Variants in PRUNE2 observed in about 807,000 individuals in gnomAD.
The protein encoded by PRUNE2 is prune homolog 2 with BCH domain.
PRUNE2 carries 164 observed loss-of-function variants against 252.0 expected under a neutral mutation model. That is an observed-to-expected ratio of 0.65 (90% CI 0.57 to 0.74). The LOEUF is 0.74. Among genes scored for constraint, PRUNE2 ranks in the 30% least tolerant of loss-of-function variants. The probability of loss-of-function intolerance (pLI) is 0.00; values close to 1 mark genes in which losing one functional copy is unlikely to be tolerated. For missense variants in PRUNE2, 3,495 were observed against 3,711.0 expected, an observed-to-expected ratio of 0.94 and a Z score of 1.51; for synonymous variants, 1,292 against 1,350.2, an observed-to-expected ratio of 0.96 and a Z score of 0.94.
intron 11 of PRUNE2, among the ~76,000 whole-genome samples, chr9:76,650,875 C>G (rs1409689106): frequency 3.3e-5 from 5 of 152,142 alleles, no homozygotes; most frequent in Non-Finnish European, 7.3e-5. Flanking sequence ...TGACAAAGCT[C>G]TCCTGACAAA....
chr9:76,893,026 T>C (rs1041793197), intron 1 of PRUNE2, among the ~76,000 whole-genome samples: 4 of 152,110 alleles, frequency 2.6e-5, no homozygotes, highest in South Asian at 2.1e-4. Flanking sequence ...ACAAAGAACA[T>C]GACAAAAGTT....
chr9:76,832,396 C>T (rs546115468), intron 4 of PRUNE2, among the ~76,000 whole-genome samples: 1 of 152,086 alleles, frequency 6.6e-6, no homozygotes, highest in African/African-American at 2.4e-5. Flanking sequence ...CAAAAGGTGG[C>T]CACTATAGAG....
At chr9:76,769,511 C>T (rs775926033) in intron 6 of PRUNE2, among the ~76,000 whole-genome samples, 18 of 152,280 alleles carry the variant, frequency 1.2e-4, no homozygotes, top group Non-Finnish European at 2.1e-4. Flanking sequence ...TCGCAACCTC[C>T]GCCCCCCGGG....
At position 76,846,599 on chromosome 9, in the gene PRUNE2, C is replaced by T. The variant is rs751491097; in HGVS notation, c.424G>A (p.Glu142Lys). Residue 142 changes from glutamate to lysine, a missense_variant, in exon 4 of 19, where the codon GAG (glutamate) becomes AAG (lysine). Transcript: ENST00000376718. Reference protein sequence around the residue: ...EQSDANVEFRESSSSLVLKEI... With the variant: ...EQSDANVEFRKSSSSLVLKEI... ...TTTAGCACGAGAGAAGAGGAAGACT[C>T]TCGGAACTCAACGTTGGCATCGCTC... 16 of 1,614,110 alleles carry T rather than the reference C, an allele frequency of 9.9e-6. No homozygotes were observed. The highest frequency in any genetic ancestry group is 1.4e-5 in the Non-Finnish European group (16 of 1,179,958).
intron 1 of PRUNE2, among the ~76,000 whole-genome samples, chr9:76,884,198 G>A (rs925683600): frequency 2.6e-5 from 4 of 152,126 alleles, no homozygotes; most frequent in Non-Finnish European, 4.4e-5. Flanking sequence ...AGGAAGTGGT[G>A]ATTAACTGTT....
intron 9 of PRUNE2, among the ~76,000 whole-genome samples, chr9:76,677,800 G>A (rs1236876085): frequency 2.6e-5 from 4 of 152,002 alleles, no homozygotes; most frequent in Admixed American, 1.3e-4. Context: ...TGCAAGATCC[G>A]GGCAAATTCC....
intron 1 of PRUNE2, among the ~76,000 whole-genome samples, chr9:76,860,660 G>A (rs969379179): frequency 2.6e-5 from 4 of 151,996 alleles, no homozygotes; most frequent in African/African-American, 7.3e-5. Flanking sequence ...TAATTGAAAC[G>A]AATTTTGTTT....
At chr9:76,772,616 C>T (rs561275282) in intron 6 of PRUNE2, among the ~76,000 whole-genome samples, 14 of 152,148 alleles carry the variant, frequency 9.2e-5, no homozygotes, top group East Asian at 7.7e-4. Flanking sequence ...CAGGCTGGAA[C>T]GTAGTGGTGC....
intron 6 of PRUNE2, among the ~76,000 whole-genome samples, chr9:76,806,593 C>T (rs1473134889): frequency 1.3e-5 from 2 of 150,864 alleles, no homozygotes; most frequent in Non-Finnish European, 2.9e-5. Context: ...CTGCAAGCTC[C>T]GCCTCCCGGG....
In PRUNE2 at chr9:76,711,336, C is replaced by G. The variant is rs1564126995; in HGVS notation, c.938G>C (p.Cys313Ser). Reference protein sequence around the residue: ...CSQICCELEECQNPCLELEPF... With the variant: ...CSQICCELEESQNPCLELEPF... ...CTCCAGTTCTAGGCAAGGGTTCTGA[C>G]ACTCTTCCAGCTCACAGCAAATCTG... Residue 313 changes from cysteine (C) to serine (S), a missense_variant, in exon 8 of 19, where the codon TGT (cysteine) becomes TCT (serine). Physicochemically the swap from Cys to Ser is moderately radical, Grantham distance 112. Coordinates refer to ENST00000376718, the MANE Select transcript of PRUNE2 (RefSeq NM_015225.3). The G allele has an allele frequency of 6.2e-7, 1 of 1,612,324 alleles. No homozygotes were observed. The highest frequency in any genetic ancestry group is 2.2e-5 in the East Asian group (1 of 44,864).
intron 6 of PRUNE2, among the ~76,000 whole-genome samples, chr9:76,775,147 A>T (rs1047162247): frequency 1.3e-5 from 2 of 152,170 alleles, no homozygotes; most frequent in East Asian, 1.9e-4. Context: ...GGTCGGGGGG[A>T]AAGAAAGGAC....
chr9:76,895,235 CCTCTGT>C (rs1425796531), intron 1 of PRUNE2, among the ~76,000 whole-genome samples: 1 of 152,134 alleles, frequency 6.6e-6, no homozygotes, highest in Non-Finnish European at 1.5e-5. Flanking sequence ...TTATTTTATA[CCTCTGT>C]GGTCATTGCT....
intron 6 of PRUNE2, among the ~76,000 whole-genome samples, chr9:76,813,014 G>A (rs2057458732): frequency 1.3e-5 from 2 of 152,078 alleles, no homozygotes; most frequent in South Asian, 4.1e-4. Context: ...TATATCTACT[G>A]TTATCAATGT....
At chr9:76,788,089 G>A (rs1015339773) in intron 6 of PRUNE2, among the ~76,000 whole-genome samples, 7 of 151,994 alleles carry the variant, frequency 4.6e-5, no homozygotes, top group African/African-American at 1.5e-4. Context: ...AAAGTTCTTT[G>A]TGCCCTCACC....
At chr9:76,643,466 A>T (rs1001703136) in intron 12 of PRUNE2, among the ~76,000 whole-genome samples, 13 of 151,968 alleles carry the variant, frequency 8.6e-5, no homozygotes, top group Admixed American at 6.5e-5. Context: ...GGGAAGATTG[A>T]GTGTTCCTCT....
At chr9:76,722,631 A>G (rs1418793051) in intron 6 of PRUNE2, among the ~76,000 whole-genome samples, 1 of 152,228 alleles carries the variant, frequency 6.6e-6, no homozygotes, top group Non-Finnish European at 1.5e-5. Context: ...ATTGCCTGAC[A>G]TAATTAAGTA....
At chr9:76,641,449 G>T (rs1842548575) in intron 12 of PRUNE2, among the ~76,000 whole-genome samples, 1 of 152,044 alleles carries the variant, frequency 6.6e-6, no homozygotes, top group Admixed American at 6.6e-5. Context: ...GCTAAAAAAA[G>T]TTTAAATTTA....
intron 17 of PRUNE2, among the ~76,000 whole-genome samples, chr9:76,622,250 G>A (rs1832698328): frequency 6.6e-6 from 1 of 152,136 alleles, no homozygotes; most frequent in Non-Finnish European, 1.5e-5. Flanking sequence ...AGGACCCTCT[G>A]AGCCATTTAG....
Position 76,823,809 on chromosome 9 carries a change from T to C in PRUNE2, c.662-83A>G, listed in dbSNP as rs2058182202. ...ATATCAAGCGATGTTTTGAAGAATT[T>C]ACTCTGTAAATTTCATTCTTTGCCC... On this transcript the variant is annotated intron_variant, in intron 5 of 18. Transcript: ENST00000376718. The C allele has an allele frequency of 5.0e-6, 4 of 800,106 alleles. No homozygotes were observed. The African/African-American group carries it at 5.2e-5, about 10-fold the overall frequency. 49.6% of individuals were successfully genotyped at this position (800,106 alleles called of 1,614,324 possible). A position where few individuals can be genotyped will look rare whatever the true frequency, so the allele number is the denominator to read the frequency against.
Sources: gnomAD v4.1 joint callset for allele counts (sites outside exome capture counted in the v4.1 genomes callset) on GRCh38, gnomAD v4.1.1 for gene constraint, MANE v1.5 for transcripts, NCBI Gene and HGNC (gene_info 2026-07-23, HGNC 2026-07-21) for gene names.